MPHOSPH8: variants seen among roughly 807,000 people sequenced by gnomAD.
MPHOSPH8 encodes M-phase phosphoprotein 8, also known as M-phase phosphoprotein, mpp.
MPHOSPH8 carries 45 observed loss-of-function variants against 87.3 expected under a neutral mutation model. That is an observed-to-expected ratio of 0.52 (90% CI 0.41 to 0.66). The LOEUF (loss-of-function observed/expected upper bound fraction) is 0.66. Among genes scored for constraint, MPHOSPH8 ranks in the 30% least tolerant of loss-of-function variants. The pLI is 0.00. For missense variants in MPHOSPH8, 883 were observed against 1,020.2 expected, an observed-to-expected ratio of 0.87 and a Z score of 1.83; for synonymous variants, 366 against 376.9, an observed-to-expected ratio of 0.97 and a Z score of 0.33.
Position 19,633,739 on chromosome 13 carries a change from A to C in MPHOSPH8, c.-10A>C. On this transcript the variant is annotated 5_prime_UTR_variant, in exon 1 of 14. Coordinates refer to ENST00000361479, the MANE Select transcript of MPHOSPH8 (RefSeq NM_017520.4). Reference sequence around the variant, plus strand: ...GCGGGTTTTCCTCGGCGGTTTGCGGAGCTGCTAGGATGGAGCAGGTTGCGG... The same window carrying C: ...GCGGGTTTTCCTCGGCGGTTTGCGGCGCTGCTAGGATGGAGCAGGTTGCGG... The C allele has an allele frequency of 6.3e-7, 1 of 1,580,406 alleles. No individual in the cohort carries two copies. Among genetic ancestry groups the C allele is most frequent in the South Asian group, 1.2e-5 (1 of 86,678 alleles).
chr13:19,657,766 T>C (rs1482254963), intron 5 of MPHOSPH8, among the ~76,000 whole-genome samples: 1 of 152,128 alleles, frequency 6.6e-6, no homozygotes, highest in African/African-American at 2.4e-5. Context: ...ATTATCTCAG[T>C]TCATAAAGAC....
chr13:19,657,087 A>G (rs1332627409), intron 5 of MPHOSPH8, among the ~76,000 whole-genome samples: 2 of 125,830 alleles, frequency 1.6e-5, no homozygotes, highest in African/African-American at 6.1e-5. Context: ...GTGCCACTGC[A>G]CTCCAGCCTG....
Position 19,666,438 on chromosome 13 carries a change from G to A in MPHOSPH8, c.2033G>A (p.Gly678Glu), listed in dbSNP as rs1295215286. ...TACCTGACGTAGGCCTGTAAAAGAG[G>A]AAATTCAGACATCGTACGACTCGTA... is the stretch of plus-strand genomic sequence containing the variant. ...ETALMKACKR[G>E]NSDIVRLVIE... The change falls in exon 10 of 14, where the codon GGA becomes GAA. Residue 678 changes from glycine to glutamate, a missense_variant. Physicochemically the swap from Gly to Glu is moderately conservative, Grantham distance 98. Around this residue, in one of 3 missense-constraint regions of MPHOSPH8, gnomAD observed 741 missense variants for 841.5 expected, o/e 0.88. Coordinates refer to ENST00000361479, the MANE Select transcript of MPHOSPH8 (RefSeq NM_017520.4). The A allele has an allele frequency of 5.0e-6, 8 of 1,607,390 alleles. No homozygotes were observed. Among genetic ancestry groups the A allele is most frequent in the Non-Finnish European group, 6.8e-6 (8 of 1,174,468 alleles).
chr13:19,667,442 A>C (rs372032186), intron 10 of MPHOSPH8, among the ~76,000 whole-genome samples: 1 of 152,218 alleles, frequency 6.6e-6, no homozygotes, highest in Non-Finnish European at 1.5e-5. Context: ...GGACAAATAC[A>C]TAATGACATC....
rs112569025 is a variant in MPHOSPH8, at chr13:19,648,539, C to T, written c.1318+18C>T. ...ATTAAAGAGTGAGTGTAAATATTAA[C>T]GTTTTGCCATTTACGTTGCTATCTT... On this transcript the variant is annotated intron_variant, in intron 4 of 13. Coordinates refer to ENST00000361479, the MANE Select transcript of MPHOSPH8 (RefSeq NM_017520.4). 35 of 1,339,746 alleles carry T rather than the reference C, an allele frequency of 2.6e-5. No individual in the cohort carries two copies. The highest frequency in any genetic ancestry group is 7.5e-5 in the African/African-American group (5 of 66,796). 83.0% of individuals were successfully genotyped at this position (1,339,746 alleles called of 1,614,324 possible).
rs1276732788 is a variant in MPHOSPH8, at chr13:19,633,899, A to C, written c.151A>C (p.Ser51Arg). 1 of 1,611,804 alleles carries C rather than the reference A, an allele frequency of 6.2e-7. No homozygotes were observed. The highest frequency in any genetic ancestry group is 8.5e-7 in the Non-Finnish European group (1 of 1,179,322). ...GAGAGGAGCGGAGGCCTTTGGCGACAGTGAGGAGGACGGAGAGGATGTGTT... is the reference window on the plus strand; with the variant it reads ...GAGAGGAGCGGAGGCCTTTGGCGACCGTGAGGAGGACGGAGAGGATGTGTT... ...AARGAEAFGDSEEDGEDVFEV... is the reference protein window; with the variant it reads ...AARGAEAFGDREEDGEDVFEV... Residue 51 changes from serine to arginine, a missense_variant, in exon 1 of 14, where the codon AGT becomes CGT. Around this residue, in one of 3 missense-constraint regions of MPHOSPH8, gnomAD observed 103 missense variants for 96.3 expected, o/e 1.07. Transcript: ENST00000361479.
In MPHOSPH8 at chr13:19,646,970, A is replaced by T; in HGVS notation, c.897A>T (p.Arg299Ser). The T allele has an allele frequency of 6.3e-7, 1 of 1,593,894 alleles. No individual in the cohort carries two copies. Among genetic ancestry groups the T allele is most frequent in the East Asian group, 2.2e-5 (1 of 44,798 alleles). Residue 299 changes from arginine (R) to serine (S), a missense_variant, in exon 3 of 14, where the codon AGA becomes AGT. Physicochemically the swap from Arg to Ser is moderately radical, Grantham distance 110. Coordinates refer to ENST00000361479, the MANE Select transcript of MPHOSPH8 (RefSeq NM_017520.4). ...AAAACACTAAAAGTGCAAGAGAGAG[A>T]GCAGGGCAGGACATGGGGCTGGAGC... is the stretch of plus-strand genomic sequence containing the variant. The part of the protein sequence containing the change: ...EKQNTKSARE[R>S]AGQDMGLEHG...
chr13:19,637,872 C>T (rs1874086740), intron 1 of MPHOSPH8, among the ~76,000 whole-genome samples: 1 of 151,814 alleles, frequency 6.6e-6, no homozygotes, highest in Admixed American at 6.6e-5. Context: ...GAGGCCAAGG[C>T]AGGCGGATCA....
At chr13:19,648,270 T>C in intron 3 of MPHOSPH8, 152 bp from the exon 4 acceptor site, 1 of 415,496 alleles carries the variant, frequency 2.4e-6, no homozygotes, top group Non-Finnish European at 4.4e-6. Flanking sequence ...CAAAATTCTT[T>C]TGTGTGAAGA....
At chr13:19,644,179 A>G (rs111590730) in intron 2 of MPHOSPH8, among the ~76,000 whole-genome samples, 92 of 152,204 alleles carry the variant, frequency 6.0e-4, no homozygotes, top group African/African-American at 2.1e-3. Context: ...ATTCAGTTTT[A>G]GGGTTCCTCC....
chr13:19,639,650 C>T (rs931967665), intron 1 of MPHOSPH8, among the ~76,000 whole-genome samples: 3 of 151,978 alleles, frequency 2.0e-5, no homozygotes, highest in Non-Finnish European at 4.4e-5. Flanking sequence ...ATTAGATAAG[C>T]ATGCATTGCT....
At chr13:19,652,621 C>T (rs754169135) in intron 5 of MPHOSPH8, among the ~76,000 whole-genome samples, 47 of 152,082 alleles carry the variant, frequency 3.1e-4, no homozygotes, top group Non-Finnish European at 6.2e-4. Context: ...AGCCAGGGAG[C>T]CAAGTGGTCT....
At chr13:19,655,659 C>A (rs1875120156) in intron 5 of MPHOSPH8, among the ~76,000 whole-genome samples, 1 of 152,174 alleles carries the variant, frequency 6.6e-6, no homozygotes, top group African/African-American at 2.4e-5. Flanking sequence ...GCTGGGACTA[C>A]AGGCATGAGC....
At chr13:19,655,717 G>A (rs1246725380) in intron 5 of MPHOSPH8, among the ~76,000 whole-genome samples, 3 of 152,140 alleles carry the variant, frequency 2.0e-5, no homozygotes, top group Non-Finnish European at 4.4e-5. Context: ...AATAATACAA[G>A]GATGCCTTCT....
intron 2 of MPHOSPH8, among the ~76,000 whole-genome samples, chr13:19,644,601 A>C (rs1186567363): frequency 2.6e-5 from 4 of 152,178 alleles, no homozygotes; most frequent in East Asian, 1.9e-4. Flanking sequence ...CTCCGGCAGG[A>C]GCATCAGTCC....
rs1315906564 is a variant in MPHOSPH8, at chr13:19,633,697, C to G, written c.-52C>G. 1.3e-6 allele frequency: 2 copies of G among 1,543,662 alleles called. No homozygotes were observed. Among genetic ancestry groups the G allele is most frequent in the African/African-American group, 2.7e-5 (2 of 73,198 alleles). On this transcript the variant is annotated 5_prime_UTR_variant, in exon 1 of 14. Coordinates refer to ENST00000361479, the MANE Select transcript of MPHOSPH8 (RefSeq NM_017520.4). The stretch of plus-strand genomic sequence containing the variant: ...GCCGAGCGCGGAACGCGAGGGGCTG[C>G]TGGGGTGTTTGTCGCAGCGGGTTTT...
chr13:19,656,184 T>C (rs957863394), intron 5 of MPHOSPH8, among the ~76,000 whole-genome samples: 1 of 144,910 alleles, frequency 6.9e-6, no homozygotes, highest in Non-Finnish European at 1.5e-5. Flanking sequence ...GAAGCTAAGG[T>C]AGGAGGACCA....
intron 2 of MPHOSPH8, among the ~76,000 whole-genome samples, chr13:19,644,584 G>A (rs1874472703): frequency 6.6e-6 from 1 of 152,222 alleles, no homozygotes; most frequent in South Asian, 2.1e-4. Context: ...ACGTCTCAAA[G>A]TGTGGACTCC....
rs747253449 is a variant in MPHOSPH8 at position 19,633,799 on chromosome 13, T to A, written c.51T>A (p.Ala17=). 8 of 1,608,910 alleles carry A rather than the reference T, an allele frequency of 5.0e-6. No individual in the cohort carries two copies. In the East Asian group the frequency reaches 1.8e-4, roughly 36 times the overall value. Residue 17 remains alanine, a synonymous_variant, in exon 1 of 14, where the codon GCT becomes GCA. Transcript: ENST00000361479. ...GARVTAVPVS[A]ADSTEELAEV... The stretch of plus-strand genomic sequence containing the variant: ...GGGTGACCGCAGTCCCTGTGTCAGC[T>A]GCCGACAGCACTGAGGAGTTGGCCG...
Sources: gnomAD v4.1 joint callset for allele counts (sites outside exome capture counted in the v4.1 genomes callset) on GRCh38, gnomAD v4.1.1 for gene constraint, gnomAD v4.1.1 regional missense constraint, MANE v1.5 for transcripts, NCBI Gene and HGNC (gene_info 2026-07-23, HGNC 2026-07-21) for gene names.